ZC3H12B: variants seen among roughly 807,000 people sequenced by gnomAD.
The protein encoded by ZC3H12B is zinc finger CCCH-type containing 12B.
Under a neutral mutation model 43.9 loss-of-function variants are expected in ZC3H12B, and 7 were observed. The ratio of observed to expected loss-of-function variants is 0.16; its 90% CI spans 0.09 to 0.30. The LOEUF is 0.30. Among genes scored for constraint, ZC3H12B ranks in the 10% least tolerant of loss-of-function variants. The probability of loss-of-function intolerance (pLI) is 1.00; values close to 1 mark genes in which losing one functional copy is unlikely to be tolerated. For missense variants in ZC3H12B, 475 were observed against 670.2 expected (o/e 0.71, Z 3.22); for synonymous variants, 222 against 241.7 (o/e 0.92, Z 0.76).
At chrX:65,101,713 G>A in the ZC3H12B span, among the ~76,000 whole-genome samples, 2 of 111,765 alleles carry the variant, frequency 1.8e-5, no homozygotes, top group African/African-American at 3.3e-5. Flanking sequence ...TCCCTGAATA[G>A]ACCAATAACA....
the ZC3H12B span, among the ~76,000 whole-genome samples, chrX:65,119,172 G>A: frequency 6.8e-3 from 755 of 111,270 alleles, 9 homozygotes; most frequent in African/African-American, 0.023. Context: ...CCCAGTAATC[G>A]GATGGCTGGG....
chrX:65,134,718 C>T, the ZC3H12B span, among the ~76,000 whole-genome samples: 11 of 111,424 alleles, frequency 9.9e-5, no homozygotes, highest in East Asian at 2.9e-4. Flanking sequence ...CCAAATGTCA[C>T]GTGCGTCCGT....
At chrX:65,225,443 C>T in the ZC3H12B span, among the ~76,000 whole-genome samples, 1 of 112,131 alleles carries the variant, frequency 8.9e-6, no homozygotes, top group African/African-American at 3.2e-5. Flanking sequence ...AGCAGAAAAA[C>T]TGGAAACTCT....
chrX:65,431,843 A>G (rs895556179), intron 3 of ZC3H12B, among the ~76,000 whole-genome samples: 1 of 112,234 alleles, frequency 8.9e-6, no homozygotes, highest in Non-Finnish European at 1.9e-5. Context: ...AAAATTAACA[A>G]CAAAGTACAG....
chrX:65,238,519 A>AT, the ZC3H12B span, among the ~76,000 whole-genome samples: 151 of 108,601 alleles, frequency 1.4e-3, no homozygotes, highest in African/African-American at 4.6e-3. Flanking sequence ...ACATATCAAT[A>AT]TTTTTTTCAA....
the ZC3H12B span, among the ~76,000 whole-genome samples, chrX:65,274,878 G>A: frequency 8.9e-6 from 1 of 111,844 alleles, no homozygotes. Context: ...AAACAGCCCC[G>A]AGGGACTGTT....
chrX:65,439,275 C>T (rs1353798920), intron 3 of ZC3H12B, among the ~76,000 whole-genome samples: 1 of 111,846 alleles, frequency 8.9e-6, no homozygotes, highest in African/African-American at 3.3e-5. Context: ...TGAGGTGCCA[C>T]TATACCACCA....
At chrX:65,393,188 T>C (rs1355397255) in intron 2 of ZC3H12B, among the ~76,000 whole-genome samples, 1 of 110,958 alleles carries the variant, frequency 9.0e-6, no homozygotes, top group Non-Finnish European at 1.9e-5. Flanking sequence ...CTCTCCACTA[T>C]TGTCCTATGA....
the ZC3H12B span, among the ~76,000 whole-genome samples, chrX:65,128,039 G>C: frequency 4.5e-5 from 5 of 111,849 alleles, no homozygotes; most frequent in African/African-American, 1.6e-4. Context: ...CAAAGGGTCT[G>C]TGGTTTCTTG....
chrX:65,327,596 CAGTT>C, the ZC3H12B span, among the ~76,000 whole-genome samples: 1 of 111,277 alleles, frequency 9.0e-6, no homozygotes, highest in Non-Finnish European at 1.9e-5. Context: ...TGAGTATGTT[CAGTT>C]GTTACAATGA....
chrX:65,361,588 G>A, the ZC3H12B span, among the ~76,000 whole-genome samples: 1 of 111,488 alleles, frequency 9.0e-6, no homozygotes, highest in Non-Finnish European at 1.9e-5. Flanking sequence ...ACATAAAACT[G>A]CAGTTAGCAT....
At chrX:65,416,612 T>G (rs968827173) in intron 3 of ZC3H12B, among the ~76,000 whole-genome samples, 3 of 94,881 alleles carry the variant, frequency 3.2e-5, no homozygotes, top group African/African-American at 1.6e-4. Context: ...AAACCCCGTC[T>G]CTACTAAAAA....
chrX:65,363,965 C>T (rs1429291997), upstream of ZC3H12B, among the ~76,000 whole-genome samples: 1 of 111,067 alleles, frequency 9.0e-6, no homozygotes, highest in East Asian at 2.8e-4. Flanking sequence ...TTCAATTCGG[C>T]CTCCCACATT....
At chrX:65,110,055 A>T in the ZC3H12B span, among the ~76,000 whole-genome samples, 2 of 111,397 alleles carry the variant, frequency 1.8e-5, no homozygotes, top group East Asian at 5.7e-4. Flanking sequence ...CTTAGTGGCT[A>T]GTGATGTTGA....
chrX:65,231,567 A>T, the ZC3H12B span, among the ~76,000 whole-genome samples: 243 of 111,201 alleles, frequency 2.2e-3, no homozygotes, highest in Non-Finnish European at 3.9e-3. Flanking sequence ...AACTACCCCC[A>T]GGAATGCATT....
the ZC3H12B span, among the ~76,000 whole-genome samples, chrX:65,175,860 A>T: frequency 9.9e-4 from 111 of 112,265 alleles, no homozygotes; most frequent in East Asian, 0.03. Context: ...ATTCCAGTGA[A>T]GATACTACGC....
At chrX:65,076,067 G>C in the ZC3H12B span, among the ~76,000 whole-genome samples, 2 of 111,372 alleles carry the variant, frequency 1.8e-5, no homozygotes, top group Non-Finnish European at 3.8e-5. Context: ...GAGGAAGGAA[G>C]TTTTCTGACT....
chrX:65,502,440 T>C (rs373192611), exon 5 of ZC3H12B: 8 of 1,208,751 alleles, frequency 6.6e-6, no homozygotes, highest in Non-Finnish European at 8.9e-6. Context: ...AATCCTAACC[T>C]CTGTTCTGAC....
intron 3 of ZC3H12B, among the ~76,000 whole-genome samples, chrX:65,427,748 C>T (rs1038863065): frequency 1.8e-5 from 2 of 111,507 alleles, no homozygotes; most frequent in African/African-American, 3.3e-5. Context: ...TTAATTGGGG[C>T]ATTTAGTCCA....
Sources: allele counts gnomAD v4.1 joint callset (sites outside exome capture counted in the v4.1 genomes callset), GRCh38; gene constraint gnomAD v4.1.1; transcripts MANE v1.5; gene names NCBI Gene and HGNC (gene_info 2026-07-23, HGNC 2026-07-21).